Variants in CFAP54 observed in about 807,000 individuals in gnomAD.
CFAP54 encodes the protein cilia and flagella associated protein 54, also known as cilia- and flagella-associated protein 54.
Under a neutral mutation model 370.4 loss-of-function variants are expected in CFAP54, and 290 were observed. The ratio of observed to expected loss-of-function variants is 0.78; its 90% confidence interval spans 0.71 to 0.86. The LOEUF is 0.86. Among genes scored for constraint, CFAP54 ranks in the 40% least tolerant of loss-of-function variants. The pLI is 0.00. For missense variants in CFAP54, 3,399 were observed against 3,528.7 expected (o/e 0.96, Z 0.93); for synonymous variants, 1,206 against 1,236.5 (o/e 0.98, Z 0.52).
intron 63 of CFAP54, among the ~76,000 whole-genome samples, chr12:96,798,053 T>G (rs1488979741): frequency 2.0e-5 from 3 of 152,072 alleles, no homozygotes; most frequent in African/African-American, 7.2e-5. Flanking sequence ...TCTACATTGA[T>G]GTGTATTTAC....
At chr12:96,675,797 A>G (rs972220674) in intron 39 of CFAP54, among the ~76,000 whole-genome samples, 1 of 152,132 alleles carries the variant, frequency 6.6e-6, no homozygotes, top group African/African-American at 2.4e-5. Context: ...AGGGACATGG[A>G]TGAAGCTGGA....
At chr12:96,783,483 T>C (rs1223724491) in intron 60 of CFAP54, among the ~76,000 whole-genome samples, 1 of 152,248 alleles carries the variant, frequency 6.6e-6, no homozygotes, top group East Asian at 1.9e-4. Flanking sequence ...TCATATTGTT[T>C]TCAAACTTAC....
intron 36 of CFAP54, 126 bp from the exon 37 acceptor site, chr12:96,657,756 G>T: frequency 1.4e-6 from 1 of 732,014 alleles, no homozygotes. Context: ...ACTTGCATAA[G>T]AAAAATATTT....
intron 63 of CFAP54, among the ~76,000 whole-genome samples, chr12:96,811,214 T>A (rs1958924859): frequency 6.6e-6 from 1 of 152,140 alleles, no homozygotes; most frequent in Non-Finnish European, 1.5e-5. Context: ...ACTCTAAGAA[T>A]TGTCAGAATC....
At chr12:96,511,729 CT>C (rs1955171396) in intron 4 of CFAP54, among the ~76,000 whole-genome samples, 1 of 152,238 alleles carries the variant, frequency 6.6e-6, no homozygotes, top group African/African-American at 2.4e-5. Context: ...GGTGTTTTGC[CT>C]GCCTCAGCCT....
chr12:96,554,209 G>T lies in CFAP54; in HGVS notation c.2182G>T (p.Ala728Ser). Reference protein sequence around the residue: ...QKNPVEQLLFAYKLLDRAIGG... With the variant: ...QKNPVEQLLFSYKLLDRAIGG... ...AAATCCTGTGGAACAGTTACTTTTT[G>T]CTTATAAACTTCTTGACAGAGCAAT... is the stretch of plus-strand genomic sequence containing the variant. The change falls in exon 16 of 68, where the codon GCT becomes TCT. Residue 728 changes from alanine to serine, a missense_variant. This residue lies in a region of CFAP54 where 2,796 missense variants were observed against 2,869.7 expected (regional missense o/e 0.97). Coordinates refer to ENST00000524981, the MANE Select transcript of CFAP54 (RefSeq NM_001306084.2). The T allele has an allele frequency of 4.0e-6, 6 of 1,508,446 alleles. No individual in the cohort carries two copies. The highest frequency in any genetic ancestry group is 1.3e-5 in the South Asian group (1 of 77,942). The allele number at this position is 1,508,446 out of a possible 1,614,324, so 93.4% of individuals were successfully genotyped here. A position where few individuals can be genotyped will look rare whatever the true frequency, so the allele number is the denominator to read the frequency against.
In CFAP54 at chr12:96,764,152, C is replaced by A; in HGVS notation, c.8042C>A (p.Pro2681His). Residue 2681 changes from proline to histidine, a missense_variant and splice_region_variant, in exon 59 of 68, where the codon CCT becomes CAT. This residue lies in a region of CFAP54 where 2,796 missense variants were observed against 2,869.7 expected (regional missense o/e 0.97). Transcript: ENST00000524981. Reference sequence around the variant, plus strand: ...ATAACACATTTGCCATATTTTTAGCCTCCTCTCAGAAGAAGTAGTTCTGTT... The same window carrying A: ...ATAACACATTTGCCATATTTTTAGCATCCTCTCAGAAGAAGTAGTTCTGTT... ...KISGSPLTLK[P>H]PLRRSSSVKE... is the part of the protein sequence containing the mutation. 1.2e-6 allele frequency: 2 copies of A among 1,605,052 alleles called. No homozygotes were observed. Among genetic ancestry groups the A allele is most frequent in the Non-Finnish European group, 1.7e-6 (2 of 1,173,592 alleles).
Position 96,781,406 on chromosome 12 carries a change from G to A in CFAP54, c.8282-3311G>A, listed in dbSNP as rs1592758063. 2.6e-5 allele frequency among the ~76,000 whole-genome samples: 4 copies of A among 152,014 alleles called. No individual in the cohort carries two copies. In the South Asian group the frequency reaches 8.3e-4, roughly 32 times the overall value. ...TGTGCTGAGAATTTTATCCTTTGTG[G>A]GTCACAAGGTTTGACAGTGACCCTT... On this transcript the variant is annotated intron_variant, in intron 60 of 67. Transcript: ENST00000524981.
chr12:96,762,979 A>G (rs906659907), intron 58 of CFAP54, among the ~76,000 whole-genome samples: 10 of 152,128 alleles, frequency 6.6e-5, no homozygotes, highest in African/African-American at 2.4e-4. Context: ...TAAAATAAAG[A>G]TACTTTTGTT....
At position 96,538,484 on chromosome 12, in the gene CFAP54, A is replaced by G; in HGVS notation, c.1892A>G (p.Tyr631Cys). The G allele has an allele frequency of 2.6e-6, 4 of 1,536,284 alleles. No homozygotes were observed. Among genetic ancestry groups the G allele is most frequent in the Non-Finnish European group, 3.5e-6 (4 of 1,146,874 alleles). The stretch of plus-strand genomic sequence containing the variant: ...CGGCTCAATATATCCAGAAATGACT[A>G]TGCAAAATTCACCCAGAAAATCAGT... ...IQRLNISRNDYAKFTQKISTN... is the reference protein window; with the variant it reads ...IQRLNISRNDCAKFTQKISTN... Residue 631 changes from tyrosine (Y) to cysteine (C), a missense_variant, in exon 13 of 68, where the codon TAT becomes TGT. By Grantham distance (194) the Tyr-to-Cys change is radical. This residue lies in a region of CFAP54 where 2,796 missense variants were observed against 2,869.7 expected (regional missense o/e 0.97). Coordinates refer to ENST00000524981, the MANE Select transcript of CFAP54 (RefSeq NM_001306084.2).
intron 32 of CFAP54, among the ~76,000 whole-genome samples, chr12:96,632,998 A>G (rs1310486491): frequency 6.6e-6 from 1 of 152,110 alleles, no homozygotes; most frequent in Non-Finnish European, 1.5e-5. Flanking sequence ...TGTAAATTAT[A>G]TTTTAAAATT....
chr12:96,840,495 A>C (rs1959205334), intron 66 of CFAP54, among the ~76,000 whole-genome samples: 1 of 152,332 alleles, frequency 6.6e-6, no homozygotes, highest in African/African-American at 2.4e-5. Context: ...AGTACTCTCT[A>C]AACTGTCATT....
At chr12:96,857,291 C>T (rs142322092) in intron 66 of CFAP54, among the ~76,000 whole-genome samples, 8 of 152,310 alleles carry the variant, frequency 5.3e-5, no homozygotes, top group African/African-American at 1.4e-4. Context: ...TGCCTCCTCC[C>T]ACCTTCTACC....
intron 1 of CFAP54, among the ~76,000 whole-genome samples, chr12:96,495,559 G>A (rs970090960): frequency 1.3e-5 from 2 of 151,200 alleles, no homozygotes; most frequent in Non-Finnish European, 1.5e-5. Context: ...GACCTCAAGC[G>A]ATCTGCCCAC....
chr12:96,503,197 TTC>T (rs1955051476), intron 2 of CFAP54, among the ~76,000 whole-genome samples: 2 of 147,436 alleles, frequency 1.4e-5, no homozygotes, highest in South Asian at 2.2e-4. Flanking sequence ...CTCCCTTTCT[TTC>T]TCTTTCTTCC....
At chr12:96,771,622 G>C (rs56106439) in intron 60 of CFAP54, among the ~76,000 whole-genome samples, 1 of 151,850 alleles carries the variant, frequency 6.6e-6, no homozygotes, top group Non-Finnish European at 1.5e-5. Context: ...ACTGCACTCC[G>C]GCCTGGGCAA....
At chr12:96,562,555 T>C (rs1006398311) in intron 17 of CFAP54, among the ~76,000 whole-genome samples, 12 of 151,696 alleles carry the variant, frequency 7.9e-5, no homozygotes, top group African/African-American at 2.4e-5. Context: ...GCCTCTCAAG[T>C]AGCTGGGACT....
rs1025743208 is a variant in CFAP54, at chr12:96,875,554, G to A, written c.*451G>A. On this transcript the variant is annotated 3_prime_UTR_variant, in exon 68 of 68. Transcript: ENST00000524981. Reference sequence around the variant, plus strand: ...ATTAAAACTACATTCTGGTAAAAATGAGCATGCATGTGTATTTAGTCCTTC... The same window carrying A: ...ATTAAAACTACATTCTGGTAAAAATAAGCATGCATGTGTATTTAGTCCTTC... 6.6e-6 allele frequency: 1 copy of A among 152,156 alleles called. No individual in the cohort carries two copies. Among genetic ancestry groups the A allele is most frequent in the Admixed American group, 6.5e-5 (1 of 15,270 alleles). The allele number at this position is 152,156 out of a possible 1,614,324, so 9.4% of individuals were successfully genotyped here. A position where few individuals can be genotyped will look rare whatever the true frequency, so the allele number is the denominator to read the frequency against.
At chr12:96,838,110 C>T (rs1422573819) in intron 66 of CFAP54, among the ~76,000 whole-genome samples, 1 of 152,136 alleles carries the variant, frequency 6.6e-6, no homozygotes, top group African/African-American at 2.4e-5. Flanking sequence ...GAAAGATACA[C>T]ACATGATCAG....
Sources: allele counts gnomAD v4.1 joint callset (sites outside exome capture counted in the v4.1 genomes callset), GRCh38; gene constraint gnomAD v4.1.1; regional missense constraint gnomAD v4.1.1; transcripts MANE v1.5; gene names NCBI Gene and HGNC (gene_info 2026-07-23, HGNC 2026-07-21).